The following EYA4 variants were observed in gnomAD, a reference collection of about 807,000 sequenced individuals.
EYA4 encodes EYA transcriptional coactivator and phosphatase 4, also known as protein phosphatase EYA4.
In EYA4, 31 loss-of-function variants were observed where a neutral mutation model predicts 87.9. The ratio of observed to expected loss-of-function variants is 0.35; its 90% confidence interval spans 0.27 to 0.48. The LOEUF (loss-of-function observed/expected upper bound fraction) is 0.48, where lower values mean the gene tolerates loss of function less well. Ranked by LOEUF, EYA4 falls within the 20% of genes least tolerant of loss-of-function variation. EYA4 has a pLI of 0.99. For missense variants in EYA4, 678 were observed against 761.4 expected (o/e 0.89, Z 1.29); for synonymous variants, 263 against 270.6 (o/e 0.97, Z 0.28).
intron 1 of EYA4, among the ~76,000 whole-genome samples, chr6:133,270,747 G>T (rs530054782): frequency 7.9e-5 from 12 of 152,102 alleles, no homozygotes; most frequent in Non-Finnish European, 1.8e-4. Context: ...ATCATAGGGC[G>T]TGGTAATACT....
At chr6:133,528,704 C>T in intron 19 of EYA4, 21 bp from the exon 20 acceptor site, 1 of 1,556,440 alleles carries the variant, frequency 6.4e-7, no homozygotes, top group Non-Finnish European at 8.9e-7. Context: ...TCTCCCATCC[C>T]TCCTTCTCCT....
intron 11 of EYA4, among the ~76,000 whole-genome samples, chr6:133,477,153 T>G (rs1795814379): frequency 6.6e-6 from 1 of 152,100 alleles, no homozygotes; most frequent in African/African-American, 2.4e-5. Flanking sequence ...ACCTCTTTCC[T>G]TTGTAAATTA....
At chr6:133,521,598 A>C (rs1001540018) in intron 17 of EYA4, among the ~76,000 whole-genome samples, 3 of 101,362 alleles carry the variant, frequency 3.0e-5, no homozygotes, top group African/African-American at 4.1e-5. Context: ...CATTTGACCC[A>C]GCCATCCCAT....
intron 2 of EYA4, among the ~76,000 whole-genome samples, chr6:133,307,883 T>C (rs1368143014): frequency 6.6e-6 from 1 of 152,162 alleles, no homozygotes; most frequent in East Asian, 1.9e-4. Context: ...GAATTGCAGC[T>C]CCCTCCCATA....
chr6:133,414,899 G>A (rs12660521), intron 3 of EYA4, among the ~76,000 whole-genome samples: 4,920 of 152,168 alleles, frequency 0.032, 261 homozygotes, highest in East Asian at 0.22. Flanking sequence ...GTCAGTTATG[G>A]ACTTTTATTG....
intron 18 of EYA4, 149 bp downstream of exon 18, chr6:133,523,326 A>G (rs1408651377): frequency 1.3e-6 from 1 of 790,260 alleles, no homozygotes; most frequent in African/African-American, 1.7e-5. Context: ...TTGTACATGT[A>G]TGAATTTTTT....
At chr6:133,289,060 G>A (rs1778285582) in intron 2 of EYA4, among the ~76,000 whole-genome samples, 1 of 152,310 alleles carries the variant, frequency 6.6e-6, no homozygotes, top group East Asian at 1.9e-4. Context: ...ATTGAATGGA[G>A]CACCTTCTTC....
intron 5 of EYA4, among the ~76,000 whole-genome samples, chr6:133,449,983 T>C (rs974019595): frequency 6.6e-6 from 1 of 151,646 alleles, no homozygotes; most frequent in Non-Finnish European, 1.5e-5. Context: ...TTTAATGAAT[T>C]TCAATGACTT....
chr6:133,523,122 CT>C lies in EYA4; in HGVS notation c.1684del (p.Tyr562IlefsTer3). The part of the protein sequence containing the change: ...LIPALAKVLL[Y>X]SLGGAFPIEN... ...TCCCAGCACTTGCGAAGGTTCTACT[CT>C]ATAGTTTAGGAGGTGCTTTCCCCAT... On this transcript the variant is annotated frameshift_variant, in exon 18 of 20. Coordinates refer to ENST00000355286, the MANE Select transcript of EYA4 (RefSeq NM_004100.5). LOFTEE classifies it high-confidence loss of function. 1 of 1,612,334 alleles carries C rather than the reference CT, an allele frequency of 6.2e-7. No homozygotes were observed. Among genetic ancestry groups the C allele is most frequent in the Non-Finnish European group, 8.5e-7 (1 of 1,178,618 alleles).
At chr6:133,456,519 A>G (rs1275583357) in intron 5 of EYA4, 37 bp from the exon 6 acceptor site, 7 of 1,365,518 alleles carry the variant, frequency 5.1e-6, no homozygotes, top group Middle Eastern at 1.8e-4. Flanking sequence ...ACATAAATTT[A>G]GAAGTAAAAC....
intron 2 of EYA4, among the ~76,000 whole-genome samples, chr6:133,340,590 C>A (rs1782707711): frequency 4.6e-5 from 7 of 152,122 alleles, no homozygotes; most frequent in Admixed American, 3.9e-4. Context: ...GGGAAGTGAG[C>A]ATTCCAGGGA....
intron 3 of EYA4, among the ~76,000 whole-genome samples, chr6:133,413,553 C>T (rs1246792921): frequency 6.6e-6 from 1 of 152,012 alleles, no homozygotes; most frequent in Non-Finnish European, 1.5e-5. Context: ...GGCTTTCCTG[C>T]CATCTTTTGA....
At chr6:133,419,794 A>G (rs1790062124) in intron 3 of EYA4, among the ~76,000 whole-genome samples, 1 of 152,178 alleles carries the variant, frequency 6.6e-6, no homozygotes, top group South Asian at 2.1e-4. Flanking sequence ...CAATCTCATT[A>G]AGGCAGAACA....
At chr6:133,476,265 G>A (rs1051696618) in intron 11 of EYA4, among the ~76,000 whole-genome samples, 5 of 151,948 alleles carry the variant, frequency 3.3e-5, no homozygotes, top group African/African-American at 9.7e-5. Flanking sequence ...TGAGAACCCC[G>A]AAAATCTATT....
At chr6:133,337,495 G>A (rs1485453571) in intron 2 of EYA4, among the ~76,000 whole-genome samples, 2 of 152,166 alleles carry the variant, frequency 1.3e-5, no homozygotes, top group Admixed American at 6.5e-5. Flanking sequence ...AAGTGGGCAA[G>A]TTTGGGAAGA....
chr6:133,273,263 G>A (rs962879699), intron 1 of EYA4, among the ~76,000 whole-genome samples: 3 of 151,920 alleles, frequency 2.0e-5, no homozygotes, highest in Non-Finnish European at 4.4e-5. Flanking sequence ...CATCTAGCAC[G>A]GGAGAAAGAT....
At chr6:133,399,252 G>A (rs549467592) in intron 3 of EYA4, among the ~76,000 whole-genome samples, 86 of 152,126 alleles carry the variant, frequency 5.7e-4, no homozygotes, top group African/African-American at 2.0e-3. Flanking sequence ...ATTTAATTTG[G>A]AGCAAATATA....
intron 1 of EYA4, among the ~76,000 whole-genome samples, chr6:133,256,003 T>C (rs1775305105): frequency 6.6e-6 from 1 of 151,964 alleles, no homozygotes; most frequent in South Asian, 2.1e-4. Context: ...GATTTATGAA[T>C]CTTGCATCTT....
intron 2 of EYA4, among the ~76,000 whole-genome samples, chr6:133,351,101 G>A (rs2128425359): frequency 6.6e-6 from 1 of 152,250 alleles, no homozygotes; most frequent in African/African-American, 2.4e-5. Flanking sequence ...TGTTTGAGAA[G>A]GCTGTTAAGT....
Sources: gnomAD v4.1 joint callset for allele counts (sites outside exome capture counted in the v4.1 genomes callset) on GRCh38, gnomAD v4.1.1 for gene constraint, MANE v1.5 for transcripts, NCBI Gene and HGNC (gene_info 2026-07-23, HGNC 2026-07-21) for gene names.